Variants in TNPO1 observed in about 807,000 individuals in gnomAD.
The protein encoded by TNPO1 is transportin-1.
TNPO1 carries 8 observed loss-of-function variants against 119.5 expected under a neutral mutation model. That is an observed-to-expected ratio of 0.07 (90% CI 0.04 to 0.12). TNPO1 has a LOEUF of 0.12. Among genes scored for constraint, TNPO1 ranks in the 10% least tolerant of loss-of-function variants. The pLI is 1.00. For missense variants in TNPO1, 576 were observed against 1,089.8 expected (o/e 0.53, Z 6.64); for synonymous variants, 362 against 363.0 (o/e 1.00, Z 0.03).
intron 4 of TNPO1, among the ~76,000 whole-genome samples, chr5:72,856,838 A>G (rs966659315): frequency 6.6e-6 from 1 of 152,212 alleles, no homozygotes; most frequent in Non-Finnish European, 1.5e-5. Flanking sequence ...ACAACTGGCT[A>G]TTGGTTAACA....
At chr5:72,831,374 A>T (rs557506908) in intron 1 of TNPO1, among the ~76,000 whole-genome samples, 1 of 151,990 alleles carries the variant, frequency 6.6e-6, no homozygotes, top group East Asian at 1.9e-4. Context: ...AGAATTTTGT[A>T]TCAGCATTTG....
At chr5:72,895,284 C>T (rs1749348810) in intron 18 of TNPO1, among the ~76,000 whole-genome samples, 1 of 150,878 alleles carries the variant, frequency 6.6e-6, no homozygotes, top group African/African-American at 2.4e-5. Flanking sequence ...ATGAGATTTA[C>T]GTTGTTTTGT....
At position 72,838,374 on chromosome 5, in the gene TNPO1, T is replaced by A. The variant is rs558764875; in HGVS notation, c.16-10011T>A. 5.3e-5 allele frequency among the ~76,000 whole-genome samples: 8 copies of A among 151,972 alleles called. No individual in the cohort carries two copies. The East Asian group carries it at 1.5e-3, about 29-fold the overall frequency. Reference sequence around the variant, plus strand: ...TATAATGGTTATCCCAGTGTGCTAATTTTTTTTTAATTATCAGCTTGGCTT... The same window carrying A: ...TATAATGGTTATCCCAGTGTGCTAAATTTTTTTTAATTATCAGCTTGGCTT... On this transcript the variant is annotated intron_variant, in intron 1 of 24. Coordinates refer to ENST00000337273, the MANE Select transcript of TNPO1 (RefSeq NM_002270.4).
chr5:72,862,359 C>T, intron 5 of TNPO1: 1 of 162,102 alleles, frequency 6.2e-6, no homozygotes, highest in Admixed American at 6.1e-5. Flanking sequence ...GACAGGGTCT[C>T]ACTCTGTTTC....
chr5:72,824,453 G>A (rs755306205), intron 1 of TNPO1, among the ~76,000 whole-genome samples: 3 of 152,164 alleles, frequency 2.0e-5, no homozygotes, highest in Non-Finnish European at 4.4e-5. Flanking sequence ...CAGCTCCTCT[G>A]GTTCTTCAGT....
intron 5 of TNPO1, among the ~76,000 whole-genome samples, 163 bp from the exon 6 acceptor site, chr5:72,865,433 G>A (rs1433340675): frequency 6.7e-6 from 1 of 149,824 alleles, no homozygotes; most frequent in Non-Finnish European, 1.5e-5. Flanking sequence ...CCAAGACTCC[G>A]TCTCAAAAAA....
rs978241986 is a variant in TNPO1, at chr5:72,912,458, G to A, written c.*3785G>A. The stretch of plus-strand genomic sequence containing the variant: ...TATTCAGATACAAGTTTTATCTCAG[G>A]TGAATACTCTTGTATTGTTTTTGCT... On this transcript the variant is annotated 3_prime_UTR_variant, in exon 25 of 25. Coordinates refer to ENST00000337273, the MANE Select transcript of TNPO1 (RefSeq NM_002270.4). 1 of 152,566 alleles carries A rather than the reference G, an allele frequency of 6.6e-6. No homozygotes were observed. The highest frequency in any genetic ancestry group is 2.1e-4 in the South Asian group (1 of 4,826). 9.5% of individuals were successfully genotyped at this position (152,566 alleles called of 1,614,324 possible). A position where few individuals can be genotyped will look rare whatever the true frequency, so the allele number is the denominator to read the frequency against.
chr5:72,862,557 G>A (rs554201843), intron 5 of TNPO1, among the ~76,000 whole-genome samples: 22 of 151,936 alleles, frequency 1.4e-4, no homozygotes, highest in African/African-American at 5.1e-4. Context: ...GAACTCCTGA[G>A]CTCAAGAAAT....
rs560938036 is a variant in TNPO1, at chr5:72,864,571, TTATATGTAAGTAACTTTTTTTTTC to T, written c.463-1002_463-979del. Among the ~76,000 whole-genome samples the T allele has an allele frequency of 1.9e-3, 289 of 152,278 alleles. 2 individuals carry two copies. Among genetic ancestry groups the T allele is most frequent in the Non-Finnish European group, 2.9e-3 (196 of 68,010 alleles). On this transcript the variant is annotated intron_variant, in intron 5 of 24. Coordinates refer to ENST00000337273, the MANE Select transcript of TNPO1 (RefSeq NM_002270.4). ...GTCACCAGTTACCCAGTGAATACTT[TTATATGTAAGTAACTTTTTTTTTC>T]TATATGTAAGTAACTTTTTTTTCCT...
intron 14 of TNPO1, among the ~76,000 whole-genome samples, chr5:72,890,663 G>T (rs1192150212): frequency 6.6e-6 from 1 of 152,078 alleles, no homozygotes; most frequent in African/African-American, 2.4e-5. Context: ...TTTGTTTTCT[G>T]AATGTCTTTA....
chr5:72,816,835 G>T, intron 1 of TNPO1, 83 bp downstream of exon 1: 1 of 1,475,772 alleles, frequency 6.8e-7, no homozygotes, highest in Non-Finnish European at 9.1e-7. Flanking sequence ...ACGCGCCTAC[G>T]GGAGAGACGC....
chr5:72,878,947 C>T (rs545344682), intron 9 of TNPO1: 44 of 501,412 alleles, frequency 8.8e-5, no homozygotes, highest in Admixed American at 2.1e-4. Context: ...AAATTTGGCA[C>T]GAACCATGCC....
At position 72,855,757 on chromosome 5, in the gene TNPO1, T is replaced by G. The variant is rs1340431086; in HGVS notation, c.206-17T>G. 2 of 1,577,470 alleles carry G rather than the reference T, an allele frequency of 1.3e-6. No individual in the cohort carries two copies. The highest frequency in any genetic ancestry group is 3.8e-5 in the Admixed American group (2 of 52,992). ...AAGACTACTTCAAAACTCATTACTATTACTATTTTATTACAGATGAACCCA... is the reference window on the plus strand; with the variant it reads ...AAGACTACTTCAAAACTCATTACTAGTACTATTTTATTACAGATGAACCCA... On this transcript the variant is annotated splice_polypyrimidine_tract_variant and intron_variant, in intron 3 of 24. Transcript: ENST00000337273.
intron 23 of TNPO1, among the ~76,000 whole-genome samples, chr5:72,904,438 C>T (rs970334476): frequency 6.6e-6 from 1 of 152,160 alleles, no homozygotes; most frequent in Admixed American, 6.5e-5. Context: ...AGAGTTTAAG[C>T]ATATGCTATG....
intron 18 of TNPO1, 25 bp from the exon 19 acceptor site, chr5:72,896,433 T>G (rs1185426138): frequency 1.3e-6 from 2 of 1,562,524 alleles, no homozygotes; most frequent in Non-Finnish European, 1.8e-6. Context: ...AAAAGTTTAC[T>G]ACATAGTTTA....
At chr5:72,824,382 C>A (rs1466732469) in intron 1 of TNPO1, among the ~76,000 whole-genome samples, 1 of 152,214 alleles carries the variant, frequency 6.6e-6, no homozygotes, top group Non-Finnish European at 1.5e-5. Flanking sequence ...CAAGTTCTCT[C>A]CTCTAGTACT....
At chr5:72,908,204 A>G (rs558611305) in intron 24 of TNPO1, among the ~76,000 whole-genome samples, 2 of 152,306 alleles carry the variant, frequency 1.3e-5, no homozygotes, top group African/African-American at 4.8e-5. Flanking sequence ...ACAACCCCAA[A>G]TAACAAATGC....
At chr5:72,895,028 G>T (rs180960284) in intron 18 of TNPO1, among the ~76,000 whole-genome samples, 7 of 152,326 alleles carry the variant, frequency 4.6e-5, no homozygotes, top group Admixed American at 2.6e-4. Context: ...ACTGTTGTCA[G>T]TGGTGAGACA....
At chr5:72,888,402 T>C in intron 13 of TNPO1, 99 bp downstream of exon 13, 4 of 1,077,832 alleles carry the variant, frequency 3.7e-6, no homozygotes, top group Non-Finnish European at 5.3e-6. Flanking sequence ...ATGAAGTGTT[T>C]CGTAATTGAA....
Sources: allele counts gnomAD v4.1 joint callset (sites outside exome capture counted in the v4.1 genomes callset), GRCh38; gene constraint gnomAD v4.1.1; transcripts MANE v1.5; gene names NCBI Gene and HGNC (gene_info 2026-07-23, HGNC 2026-07-21).